The following ALK variants were observed in gnomAD, a reference collection of about 807,000 sequenced individuals.
ALK encodes ALK receptor tyrosine kinase, also known as ALK tyrosine kinase receptor.
In ALK, 74 loss-of-function variants were observed where a neutral mutation model predicts 163.1. That is an observed-to-expected ratio of 0.45 (90% CI 0.38 to 0.55). The LOEUF is 0.55. Among genes scored for constraint, ALK ranks in the 20% least tolerant of loss-of-function variants. ALK has a pLI of 0.00. For missense variants in ALK, 2,063 were observed against 2,105.3 expected, an observed-to-expected ratio of 0.98 and a Z score of 0.39; for synonymous variants, 960 against 843.2, an observed-to-expected ratio of 1.14 and a Z score of -2.40.
At chr2:29,251,331 C>A (rs2148197910) in intron 11 of ALK, 64 bp from the exon 12 acceptor site, 1 of 1,542,068 alleles carries the variant, frequency 6.5e-7, no homozygotes, top group South Asian at 1.2e-5. Context: ...AGGGGCCTCC[C>A]TGGGTGGCCT....
At chr2:29,300,277 G>T (rs550841510) in intron 8 of ALK, among the ~76,000 whole-genome samples, 1 of 152,086 alleles carries the variant, frequency 6.6e-6, no homozygotes, top group African/African-American at 2.4e-5. Flanking sequence ...GGCCGGGCAC[G>T]GTGGCTCACA....
rs531649145 is a variant in ALK, at chr2:29,425,947, C to T, written c.1155-42088G>A. ...GAAATAGATAGCTAAGAAGAACCTG[C>T]TGGAGTGAGAAAAAACCTTCAAAGA... On this transcript the variant is annotated intron_variant, in intron 4 of 28. Coordinates refer to ENST00000389048, the MANE Select transcript of ALK (RefSeq NM_004304.5). 2.6e-5 allele frequency among the ~76,000 whole-genome samples: 4 copies of T among 152,248 alleles called. No individual in the cohort carries two copies. In the East Asian group the frequency reaches 5.8e-4, roughly 22 times the overall value.
chr2:29,600,041 G>A (rs1008369344), intron 3 of ALK, among the ~76,000 whole-genome samples: 11 of 152,128 alleles, frequency 7.2e-5, no homozygotes, highest in Non-Finnish European at 1.0e-4. Context: ...AGCTCACTCC[G>A]GTGAGGACAG....
chr2:29,223,275 G>C (rs1368205612), intron 20 of ALK, 67 bp downstream of exon 20: 1 of 1,567,548 alleles, frequency 6.4e-7, no homozygotes, highest in Non-Finnish European at 8.7e-7. Context: ...GGAGTCTGCG[G>C]TGCTGTGATA....
chr2:29,887,223 G>A (rs192396921), intron 1 of ALK, among the ~76,000 whole-genome samples: 61 of 152,334 alleles, frequency 4.0e-4, no homozygotes, highest in Middle Eastern at 3.4e-3. Context: ...GGAGTCACTT[G>A]TTGGTATTCA....
intron 1 of ALK, among the ~76,000 whole-genome samples, chr2:29,844,769 T>C (rs1319823033): frequency 2.6e-5 from 4 of 151,946 alleles, no homozygotes; most frequent in African/African-American, 7.3e-5. Flanking sequence ...GCAGGGAAAT[T>C]AGAGCCAAAA....
Position 29,193,445 on chromosome 2 carries a change from C to A in ALK, c.4642G>T (p.Gly1548Trp), listed in dbSNP as rs1215807713. ...AGCAGTGAGGCCCCCGGAAGTCTCC[C>A]AGTTGCAACGTTAGGTGGGACAGTA... ...SCTVPPNVAT[G>W]RLPGASLLLE... The change falls in exon 29 of 29, where the codon GGG (glycine) becomes TGG (tryptophan). Residue 1548 changes from glycine (G) to tryptophan (W), a missense_variant. Gly to Trp is a radical substitution (Grantham distance 184, BLOSUM62 -2). This residue lies in a region of ALK where 403 missense variants were observed against 366.2 expected (regional missense o/e 1.10). Coordinates refer to ENST00000389048, the MANE Select transcript of ALK (RefSeq NM_004304.5). The A allele has an allele frequency of 6.2e-7, 1 of 1,614,094 alleles. No homozygotes were observed. Among genetic ancestry groups the A allele is most frequent in the South Asian group, 1.1e-5 (1 of 91,084 alleles).
intron 1 of ALK, among the ~76,000 whole-genome samples, chr2:29,735,663 T>A (rs1679871168): frequency 6.6e-6 from 1 of 152,074 alleles, no homozygotes. Context: ...GGTAATAGAA[T>A]CATACGGCAG....
rs141640099 is a variant in ALK at position 29,280,253 on chromosome 2, T to C, written c.1818-4757A>G. Among the ~76,000 whole-genome samples, 216 of 149,596 alleles carry C rather than the reference T, an allele frequency of 1.4e-3. 1 individual carries two copies. Among genetic ancestry groups the C allele is most frequent in the African/African-American group, 5.1e-3 (205 of 40,476 alleles). ...ACTACTCTGGGACTGAGGGAACGTTTTAGTGTCTACCAGGTAGTCCATTCT... is the reference window on the plus strand; with the variant it reads ...ACTACTCTGGGACTGAGGGAACGTTCTAGTGTCTACCAGGTAGTCCATTCT... On this transcript the variant is annotated intron_variant, in intron 9 of 28. Transcript: ENST00000389048.
At position 29,920,691 on chromosome 2, in the gene ALK, C is replaced by T. The variant is rs771429852; in HGVS notation, c.-32G>A. 79 of 1,517,616 alleles carry T rather than the reference C, an allele frequency of 5.2e-5. 1 individual carries two copies. Among genetic ancestry groups the T allele is most frequent in the South Asian group, 4.6e-4 (38 of 83,416 alleles). The allele number at this position is 1,517,616 out of a possible 1,614,324, so 94.0% of individuals were successfully genotyped here. A position where few individuals can be genotyped will look rare whatever the true frequency, so the allele number is the denominator to read the frequency against. On this transcript the variant is annotated 5_prime_UTR_variant, in exon 1 of 29. Transcript: ENST00000389048. ...GGAGGAGGCCGTTTACACTGCTCTCCGGGCCCAGCCTCACCCTTCGCTCTC... is the reference window on the plus strand; with the variant it reads ...GGAGGAGGCCGTTTACACTGCTCTCTGGGCCCAGCCTCACCCTTCGCTCTC...
intron 3 of ALK, among the ~76,000 whole-genome samples, chr2:29,650,131 C>T (rs1676997984): frequency 6.6e-6 from 1 of 152,166 alleles, no homozygotes; most frequent in Non-Finnish European, 1.5e-5. Context: ...GTATTTTACA[C>T]TGAAGCAAGC....
At chr2:29,881,162 A>C (rs1666854264) in intron 1 of ALK, among the ~76,000 whole-genome samples, 1 of 152,162 alleles carries the variant, frequency 6.6e-6, no homozygotes, top group African/African-American at 2.4e-5. Context: ...CTTCCTGGAG[A>C]AAGAGGAATG....
intron 2 of ALK, among the ~76,000 whole-genome samples, chr2:29,695,315 A>G (rs1407371888): frequency 1.3e-5 from 2 of 152,212 alleles, no homozygotes; most frequent in Non-Finnish European, 2.9e-5. Context: ...ACCTGAAGAC[A>G]TAGAGAGGGC....
rs1299735277 is a variant in ALK at position 29,383,720 on chromosome 2, A to G, written c.1282+12T>C. 2 of 1,614,076 alleles carry G rather than the reference A, an allele frequency of 1.2e-6. No individual in the cohort carries two copies. Among genetic ancestry groups the G allele is most frequent in the Non-Finnish European group, 8.5e-7 (1 of 1,179,960 alleles). ...GGCTACCAAGGAGCGTGGGAAAGCC[A>G]GATTCAGATACCTTCACTGCAGTTC... On this transcript the variant is annotated intron_variant, in intron 5 of 28. Coordinates refer to ENST00000389048, the MANE Select transcript of ALK (RefSeq NM_004304.5).
At chr2:29,832,953 T>C (rs1665460010) in intron 1 of ALK, among the ~76,000 whole-genome samples, 1 of 152,104 alleles carries the variant, frequency 6.6e-6, no homozygotes, top group Non-Finnish European at 1.5e-5. Context: ...GTGTAGGGAT[T>C]GACAGGGCAA....
chr2:29,214,248 A>G (rs1669541696), intron 23 of ALK, among the ~76,000 whole-genome samples, 167 bp from the exon 24 acceptor site: 2 of 152,174 alleles, frequency 1.3e-5, no homozygotes, highest in Non-Finnish European at 1.5e-5. Context: ...GGCATTTGAA[A>G]GAATTTGGAT....
chr2:29,208,966 AAAAT>A (rs1232130876), intron 25 of ALK, among the ~76,000 whole-genome samples: 1 of 152,216 alleles, frequency 6.6e-6, no homozygotes, highest in Non-Finnish European at 1.5e-5. Flanking sequence ...AGGGAAAAAA[AAAAT>A]AAGGCTGCGC....
At chr2:29,640,344 C>T (rs572817174) in intron 3 of ALK, among the ~76,000 whole-genome samples, 45 of 152,236 alleles carry the variant, frequency 3.0e-4, no homozygotes, top group Admixed American at 2.2e-3. Flanking sequence ...GGTTTGGCAC[C>T]GGTCCCATGG....
chr2:29,869,899 A>G (rs1296152504), intron 1 of ALK, among the ~76,000 whole-genome samples: 1 of 152,212 alleles, frequency 6.6e-6, no homozygotes, highest in Non-Finnish European at 1.5e-5. Flanking sequence ...AAATGACACA[A>G]ACAGAACAAT....
Sources: allele counts gnomAD v4.1 joint callset (sites outside exome capture counted in the v4.1 genomes callset), GRCh38; gene constraint gnomAD v4.1.1; regional missense constraint gnomAD v4.1.1; transcripts MANE v1.5; gene names NCBI Gene and HGNC (gene_info 2026-07-23, HGNC 2026-07-21).